TROAP: variants seen among roughly 807,000 people sequenced by gnomAD.
TROAP encodes trophinin associated protein.
TROAP carries 62 observed loss-of-function variants against 83.4 expected under a neutral mutation model. The observed-to-expected ratio is 0.74, with a 90% CI of 0.61 to 0.92. The LOEUF (loss-of-function observed/expected upper bound fraction) is 0.92. Ranked by LOEUF, TROAP falls within the 40% of genes least tolerant of loss-of-function variation. TROAP has a pLI of 0.00. For synonymous variants in TROAP, 352 were observed against 386.4 expected (o/e 0.91, Z 1.04); for missense variants, 876 against 985.1 (o/e 0.89, Z 1.48).
At position 49,323,982 on chromosome 12, in the gene TROAP, G is replaced by C; in HGVS notation, c.282G>C (p.Glu94Asp). The C allele has an allele frequency of 6.2e-7, 1 of 1,614,190 alleles. No individual in the cohort carries two copies. The highest frequency in any genetic ancestry group is 8.5e-7 in the Non-Finnish European group (1 of 1,180,032). ...GTCAGCCTCGGAACCCCTTGGAAGA[G>C]CTCAGGCCTAGCCCTAGGGGTCAAA... ...GISQPRNPLEELRPSPRGQNV... is the reference protein window; with the variant it reads ...GISQPRNPLEDLRPSPRGQNV... Residue 94 changes from glutamate (E) to aspartate (D), a missense_variant, in exon 3 of 15, where the codon GAG becomes GAC. By Grantham distance (45) the Glu-to-Asp change is conservative. Transcript: ENST00000257909.
chr12:49,325,604 G>T lies in TROAP; in HGVS notation c.441G>T (p.Leu147=). ...GTCACCTGGGGCGCCAGCCTAGTCT[G>T]GCTAAAAGAGTACTGGTTCGAGGAA... The part of the protein sequence containing the change: ...KSCHLGRQPS[L]AKRVLVRGSQ... Residue 147 remains leucine (L), a synonymous_variant, in exon 4 of 15, where the codon CTG becomes CTT. Transcript: ENST00000257909. The T allele has an allele frequency of 1.9e-6, 3 of 1,613,958 alleles. No individual in the cohort carries two copies. Among genetic ancestry groups the T allele is most frequent in the Non-Finnish European group, 2.5e-6 (3 of 1,180,026 alleles).
Position 49,323,758 on chromosome 12 carries a change from A to T in TROAP, c.144+6A>T, listed in dbSNP as rs201153397. ...AGGAGAACCAAGATCCAAGGGTAAG[A>T]GGGGCCTAATGGGGGAAGACAGTAG... is the stretch of plus-strand genomic sequence containing the variant. On this transcript the variant is annotated splice_donor_region_variant and intron_variant, in intron 2 of 14. Transcript: ENST00000257909. The T allele has an allele frequency of 1.9e-6, 3 of 1,614,126 alleles. No individual in the cohort carries two copies. Among genetic ancestry groups the T allele is most frequent in the Non-Finnish European group, 2.5e-6 (3 of 1,180,016 alleles).
chr12:49,329,843 T>C lies in TROAP; in HGVS notation c.1165-14T>C, dbSNP rs753803317. 6.2e-7 allele frequency: 1 copy of C among 1,613,196 alleles called. No homozygotes were observed. Among genetic ancestry groups the C allele is most frequent in the East Asian group, 2.2e-5 (1 of 44,862 alleles). ...CAGCCTGGCTTGCTTGTGTGCCTTG[T>C]TCCTTGGTGACAGGAGCAGGTTGCC... On this transcript the variant is annotated splice_polypyrimidine_tract_variant and intron_variant, in intron 11 of 14. Transcript: ENST00000257909. The surrounding 1 kb of genome is among the most constrained non-coding windows in gnomAD (Gnocchi z 4.5).
At chr12:49,328,720 C>T (rs1360005541) in intron 8 of TROAP, among the ~76,000 whole-genome samples, 1 of 151,964 alleles carries the variant, frequency 6.6e-6, no homozygotes, top group African/African-American at 2.4e-5. Flanking sequence ...AAAAATTAGC[C>T]GGGCATGGTG....
chr12:49,325,423 T>C, intron 3 of TROAP, 78 bp from the exon 4 acceptor site: 1 of 1,440,628 alleles, frequency 6.9e-7, no homozygotes, highest in East Asian at 2.3e-5. Flanking sequence ...GCTCACCTTG[T>C]ACCTCAAAGT....
chr12:49,326,601 A>T (rs936421988), intron 6 of TROAP, 67 bp from the exon 7 acceptor site: 43 of 1,470,322 alleles, frequency 2.9e-5, no homozygotes, highest in Non-Finnish European at 3.7e-5. Flanking sequence ...TTTGTAAAGC[A>T]CTTAGCACAT....
chr12:49,331,642 G>C lies in TROAP; in HGVS notation c.*25G>C, dbSNP rs2230549. ...ATGAGACAACCACTCCTGCCCTGCC[G>C]TACTTCTTCCTTTTAGCCCTTATTT... On this transcript the variant is annotated 3_prime_UTR_variant, in exon 15 of 15. Coordinates refer to ENST00000257909, the MANE Select transcript of TROAP (RefSeq NM_005480.4). 1.2e-6 allele frequency: 2 copies of C among 1,613,746 alleles called. No individual in the cohort carries two copies. The highest frequency in any genetic ancestry group is 1.7e-6 in the Non-Finnish European group (2 of 1,179,882).
At chr12:49,326,224 G>A in intron 6 of TROAP, 66 bp downstream of exon 6, 1 of 1,532,706 alleles carries the variant, frequency 6.5e-7, no homozygotes, top group Non-Finnish European at 9.0e-7. Context: ...TGATACAGGA[G>A]TCCCCCAGAG....
In TROAP at chr12:49,323,658, C is replaced by T. The variant is rs1436763095; in HGVS notation, c.50C>T (p.Pro17Leu). 1.9e-6 allele frequency: 3 copies of T among 1,614,156 alleles called. No homozygotes were observed. Among genetic ancestry groups the T allele is most frequent in the Non-Finnish European group, 2.5e-6 (3 of 1,180,026 alleles). Residue 17 changes from proline (P) to leucine (L), a missense_variant, in exon 2 of 15, where the codon CCT (proline) becomes CTT (leucine). Pro to Leu is a moderately conservative substitution (Grantham distance 98). Coordinates refer to ENST00000257909, the MANE Select transcript of TROAP (RefSeq NM_005480.4). Reference sequence around the variant, plus strand: ...GATCCCCTCCTCCGGGGTGTATCTCCTACCCCTAGCAAGATTCCGGTACGC... The same window carrying T: ...GATCCCCTCCTCCGGGGTGTATCTCTTACCCCTAGCAAGATTCCGGTACGC... ...TKDPLLRGVSPTPSKIPVRSQ... is the reference protein window; with the variant it reads ...TKDPLLRGVSLTPSKIPVRSQ...
intron 12 of TROAP, 39 bp downstream of exon 12, chr12:49,330,030 C>G: frequency 6.2e-7 from 1 of 1,612,334 alleles, no homozygotes; most frequent in Admixed American, 1.7e-5. Flanking sequence ...GTCTATTGAA[C>G]AGTGACTGGG....
intron 8 of TROAP, among the ~76,000 whole-genome samples, chr12:49,327,869 C>T (rs1943523999): frequency 6.6e-6 from 1 of 151,972 alleles, no homozygotes; most frequent in Non-Finnish European, 1.5e-5. Flanking sequence ...ATAGATTTGT[C>T]AGGGAACTCT....
At position 49,331,718 on chromosome 12, in the gene TROAP, A is replaced by C; in HGVS notation, c.*101A>C. ...GAGCCGCCCACTTTTGTCCTCAATAAAGTTTCTAAAGTATCCACGTGTCTA... is the reference window on the plus strand; with the variant it reads ...GAGCCGCCCACTTTTGTCCTCAATACAGTTTCTAAAGTATCCACGTGTCTA... On this transcript the variant is annotated 3_prime_UTR_variant, in exon 15 of 15. Transcript: ENST00000257909. The C allele has an allele frequency of 2.1e-6, 3 of 1,446,430 alleles. No homozygotes were observed. The South Asian group carries it at 3.4e-5, about 17-fold the overall frequency. The allele number at this position is 1,446,430 out of a possible 1,614,324, so 89.6% of individuals were successfully genotyped here.
At chr12:49,326,235 T>C (rs1592310997) in intron 6 of TROAP, 77 bp downstream of exon 6, 6 of 1,472,662 alleles carry the variant, frequency 4.1e-6, no homozygotes, top group Non-Finnish European at 5.7e-6. Flanking sequence ...TCCCCCAGAG[T>C]TGGGGCCTTC....
chr12:49,331,468 A>G (rs1278050617), intron 14 of TROAP, 61 bp downstream of exon 14: 8 of 1,608,866 alleles, frequency 5.0e-6, no homozygotes, highest in Admixed American at 1.7e-5. Flanking sequence ...GAGGTGGGGA[A>G]CAGGGACAGG....
chr12:49,328,198 A>ATGATT (rs1023299186), intron 8 of TROAP, among the ~76,000 whole-genome samples: 16 of 146,194 alleles, frequency 1.1e-4, no homozygotes, highest in Non-Finnish European at 2.2e-4. Flanking sequence ...AGAAAGTGAC[A>ATGATT]TGATTTGACT....
intron 5 of TROAP, 59 bp from the exon 6 acceptor site, chr12:49,326,017 G>A (rs1419134533): frequency 1.2e-6 from 2 of 1,607,726 alleles, no homozygotes; most frequent in African/African-American, 1.3e-5. Flanking sequence ...TGGTGGTGAG[G>A]CCTGAGGGTT....
At chr12:49,326,241 C>T (rs1592311010) in intron 6 of TROAP, 83 bp downstream of exon 6, 4 of 1,417,702 alleles carry the variant, frequency 2.8e-6, no homozygotes, top group Admixed American at 1.7e-5. Flanking sequence ...AGAGTTGGGG[C>T]CTTCCAGGAG....
At chr12:49,324,853 G>A (rs139952954) in intron 3 of TROAP, among the ~76,000 whole-genome samples, 34 of 148,046 alleles carry the variant, frequency 2.3e-4, no homozygotes, top group Non-Finnish European at 4.5e-4. Context: ...GCCTCACCCC[G>A]AGTACCTGGG....
chr12:49,324,008 A>T lies in TROAP; in HGVS notation c.308A>T (p.Asn103Ile), dbSNP rs755221528. The T allele has an allele frequency of 1.2e-6, 2 of 1,613,856 alleles. No homozygotes were observed. Among genetic ancestry groups the T allele is most frequent in the Non-Finnish European group, 1.7e-6 (2 of 1,179,858 alleles). Residue 103 changes from asparagine (N) to isoleucine (I), a missense_variant, in exon 3 of 15, where the codon AAT becomes ATT. By Grantham distance (149) the Asn-to-Ile change is moderately radical (BLOSUM62 -3). Coordinates refer to ENST00000257909, the MANE Select transcript of TROAP (RefSeq NM_005480.4). ...EELRPSPRGQNVGPGPPAQTE... is the reference protein window; with the variant it reads ...EELRPSPRGQIVGPGPPAQTE... ...CTCAGGCCTAGCCCTAGGGGTCAAA[A>T]TGTGGGGCCTGGGCCCCCTGCCCAG...
Sources: allele counts gnomAD v4.1 joint callset (sites outside exome capture counted in the v4.1 genomes callset), GRCh38; gene constraint gnomAD v4.1.1; non-coding constraint Gnocchi (gnomAD v3.1); transcripts MANE v1.5; gene names NCBI Gene and HGNC (gene_info 2026-07-23, HGNC 2026-07-21).